Variants in STARD13 observed in about 807,000 individuals in gnomAD.
STARD13 encodes the protein stAR-related lipid transfer protein 13.
A neutral mutation model predicts 106.4 loss-of-function variants in STARD13; 62 were observed. The observed-to-expected ratio is 0.58, with a 90% CI of 0.48 to 0.72. The LOEUF (loss-of-function observed/expected upper bound fraction) is 0.72. STARD13 is among the 30% of genes least tolerant of loss of function. The probability of loss-of-function intolerance (pLI) is 0.00; values close to 1 mark genes in which losing one functional copy is unlikely to be tolerated. For missense variants in STARD13, 1,387 were observed against 1,424.0 expected, an observed-to-expected ratio of 0.97 and a Z score of 0.42; for synonymous variants, 565 against 553.0, an observed-to-expected ratio of 1.02 and a Z score of -0.31.
intron 1 of STARD13, among the ~76,000 whole-genome samples, chr13:33,225,888 T>C (rs1488928851): frequency 6.6e-6 from 1 of 152,190 alleles, no homozygotes; most frequent in Non-Finnish European, 1.5e-5. Flanking sequence ...CTGAAGTGTG[T>C]CTCCTCCTCA....
rs768742503 is a variant in STARD13, at chr13:33,129,451, G to A, written c.1226C>T (p.Ala409Val). The change falls in exon 5 of 14, where the codon GCA becomes GTA. Residue 409 changes from alanine to valine, a missense_variant. Transcript: ENST00000336934. ...KDHKPGTFPK[A>V]LSIESLSPTD... ...GGGAGAGAGGCTTTCAATAGAAAGT[G>A]CCTTGGGGAATGTTCCTGGTTTGTG... 7 of 1,614,172 alleles carry A rather than the reference G, an allele frequency of 4.3e-6. No homozygotes were observed. The Admixed American group carries it at 1.0e-4, about 23-fold the overall frequency.
At chr13:33,665,820 C>G in the STARD13 span, among the ~76,000 whole-genome samples, 1 of 151,584 alleles carries the variant, frequency 6.6e-6, no homozygotes, top group Non-Finnish European at 1.5e-5. Flanking sequence ...AAAATGGACT[C>G]CAAGCTCTGA....
chr13:33,668,995 C>T, the STARD13 span, among the ~76,000 whole-genome samples: 1 of 152,256 alleles, frequency 6.6e-6, no homozygotes, highest in African/African-American at 2.4e-5. Flanking sequence ...CTACTTTTAC[C>T]CATGGGAAAA....
At chr13:33,260,398 G>A (rs1594180207) in intron 1 of STARD13, among the ~76,000 whole-genome samples, 2 of 152,226 alleles carry the variant, frequency 1.3e-5, no homozygotes, top group Non-Finnish European at 2.9e-5. Flanking sequence ...CATTGCCAAC[G>A]CTGCTTCAAC....
At chr13:33,132,761 A>T (rs1013297353) in intron 4 of STARD13, among the ~76,000 whole-genome samples, 6 of 152,208 alleles carry the variant, frequency 3.9e-5, no homozygotes, top group African/African-American at 1.2e-4. Context: ...TCTGAGTTTT[A>T]AAAAAGTTGT....
chr13:33,342,070 C>G lies in STARD13; in HGVS notation c.124+8220G>C, dbSNP rs765224286. On this transcript the variant is annotated intron_variant, in intron 1 of 5. Transcript: ENST00000567873. ...ACAGCTTCCCTAAGTGCTGGGATTA[C>G]AGGCATAAGCCACTCTGCCAGGCCA... is the stretch of plus-strand genomic sequence containing the variant. 2.1e-4 allele frequency among the ~76,000 whole-genome samples: 32 copies of G among 152,314 alleles called. 1 individual carries two copies. The highest frequency in any genetic ancestry group is 1.8e-3 in the Admixed American group (28 of 15,294).
chr13:33,404,525 G>C, the STARD13 span, among the ~76,000 whole-genome samples: 2 of 152,192 alleles, frequency 1.3e-5, no homozygotes. Context: ...TAGTGTTCCA[G>C]AGAGTGAATC....
chr13:33,282,980 T>C (rs1373752341), intron 1 of STARD13, among the ~76,000 whole-genome samples: 3 of 152,132 alleles, frequency 2.0e-5, no homozygotes, highest in African/African-American at 7.2e-5. Context: ...CAGTGAACTA[T>C]GATCACACCA....
the STARD13 span, among the ~76,000 whole-genome samples, chr13:33,390,535 G>T: frequency 6.6e-6 from 1 of 152,110 alleles, no homozygotes; most frequent in Non-Finnish European, 1.5e-5. Flanking sequence ...TCATAAATTT[G>T]TATCATTTGT....
At chr13:33,229,501 C>T (rs1888798815) in intron 1 of STARD13, among the ~76,000 whole-genome samples, 1 of 152,240 alleles carries the variant, frequency 6.6e-6, no homozygotes, top group South Asian at 2.1e-4. Flanking sequence ...GAACTCAAAA[C>T]AGACTTTCAT....
rs150329373 is a variant in STARD13 at position 33,325,106 on chromosome 13, A to C, written c.124+25184T>G. 2.2e-4 allele frequency among the ~76,000 whole-genome samples: 34 copies of C among 152,346 alleles called. No individual in the cohort carries two copies. The East Asian group carries it at 6.4e-3, about 28-fold the overall frequency. ...TAAACTGAAAAGCTTCAGAACCTACACATCAAAAAGTTTGTCACAGTTTGC... is the reference window on the plus strand; with the variant it reads ...TAAACTGAAAAGCTTCAGAACCTACCCATCAAAAAGTTTGTCACAGTTTGC... On this transcript the variant is annotated intron_variant, in intron 1 of 5. Transcript: ENST00000567873.
chr13:33,578,467 C>CCT, the STARD13 span, among the ~76,000 whole-genome samples: 4 of 151,596 alleles, frequency 2.6e-5, no homozygotes, highest in African/African-American at 9.7e-5. Context: ...AAACTGGATC[C>CCT]CTCTCTCTCT....
At position 33,112,728 on chromosome 13, in the gene STARD13, A is replaced by G; in HGVS notation, c.2485T>C (p.Ser829Pro). Residue 829 changes from serine (S) to proline (P), a missense_variant, in exon 9 of 14, where the codon TCT becomes CCT. By Grantham distance (74) the Ser-to-Pro change is moderately conservative. Coordinates refer to ENST00000336934, the MANE Select transcript of STARD13 (RefSeq NM_178006.4). Reference sequence around the variant, plus strand: ...CTGAGAAAAAAAACCCACCGTGGAGAGCTTTCTTTCTTCAATAAATTAAGA... The same window carrying G: ...CTGAGAAAAAAAACCCACCGTGGAGGGCTTTCTTTCTTCAATAAATTAAGA... ...FHLNLLKKES[S>P]PRVIQKKYAT... is the part of the protein sequence containing the mutation. 1.3e-6 allele frequency: 2 copies of G among 1,596,656 alleles called. No individual in the cohort carries two copies. Among genetic ancestry groups the G allele is most frequent in the South Asian group, 1.1e-5 (1 of 87,658 alleles).
the STARD13 span, among the ~76,000 whole-genome samples, chr13:33,366,984 CAGG>C: frequency 3.7e-4 from 56 of 152,258 alleles, no homozygotes; most frequent in Middle Eastern, 3.4e-3. This position sits in a 1 kb window ranked among gnomAD's most constrained non-coding sequence, Gnocchi z 4.2. Context: ...AGTCATATGA[CAGG>C]AGGTTACCCA....
chr13:33,247,313 G>C (rs959624364), intron 1 of STARD13, among the ~76,000 whole-genome samples: 79 of 152,254 alleles, frequency 5.2e-4, no homozygotes, highest in African/African-American at 1.9e-3. Context: ...CCAGGCGGCA[G>C]AGAGTCAGAA....
chr13:33,267,756 A>T (rs1407839175), intron 1 of STARD13, among the ~76,000 whole-genome samples: 2 of 152,226 alleles, frequency 1.3e-5, no homozygotes, highest in African/African-American at 4.8e-5. Context: ...TTAGATTAGA[A>T]GACTTAAAAG....
intron 1 of STARD13, among the ~76,000 whole-genome samples, chr13:33,301,178 C>T (rs1319714921): frequency 6.6e-6 from 1 of 152,124 alleles, no homozygotes; most frequent in East Asian, 1.9e-4. Flanking sequence ...TAGTCCAGTG[C>T]CTGGTACATA....
chr13:33,160,808 A>T (rs984156604), intron 3 of STARD13, among the ~76,000 whole-genome samples: 1 of 152,236 alleles, frequency 6.6e-6, no homozygotes, highest in African/African-American at 2.4e-5. Flanking sequence ...GGACTCTCAT[A>T]CATTGTCAAT....
the STARD13 span, among the ~76,000 whole-genome samples, chr13:33,623,868 C>A: frequency 2.0e-5 from 3 of 152,128 alleles, no homozygotes; most frequent in African/African-American, 7.2e-5. Context: ...ATGCTCAACA[C>A]CATTCATTAT....
Sources: gnomAD v4.1 joint callset for allele counts (sites outside exome capture counted in the v4.1 genomes callset) on GRCh38, gnomAD v4.1.1 for gene constraint, Gnocchi (gnomAD v3.1) non-coding constraint, MANE v1.5 for transcripts, NCBI Gene and HGNC (gene_info 2026-07-23, HGNC 2026-07-21) for gene names.